Variants in FYN observed in about 807,000 individuals in gnomAD.
FYN encodes the protein tyrosine-protein kinase Fyn.
A neutral mutation model predicts 70.2 loss-of-function variants in FYN; 10 were observed. That is an observed-to-expected ratio of 0.14 (90% confidence interval 0.09 to 0.24). FYN has a LOEUF of 0.24. FYN is among the 10% of genes least tolerant of loss of function. FYN has a pLI of 1.00. For synonymous variants in FYN, 236 were observed against 248.6 expected (o/e 0.95, Z 0.48); for missense variants, 319 against 673.1 (o/e 0.47, Z 5.82).
intron 12 of FYN, among the ~76,000 whole-genome samples, chr6:111,690,360 A>C (rs554936345): frequency 9.1e-4 from 138 of 152,120 alleles, no homozygotes; most frequent in Non-Finnish European, 1.7e-3. Flanking sequence ...GGGCACCCCG[A>C]CTCATCTTTC....
intron 6 of FYN, among the ~76,000 whole-genome samples, chr6:111,707,265 CAGA>C (rs569192279): frequency 1.6e-3 from 237 of 152,344 alleles, no homozygotes; most frequent in Middle Eastern, 3.4e-3. Flanking sequence ...CCTCATGGGT[CAGA>C]AGAAGGGAGA....
At position 111,720,081 on chromosome 6, in the gene FYN, G is replaced by C; in HGVS notation, c.-11-19C>G. 1 of 1,564,562 alleles carries C rather than the reference G, an allele frequency of 6.4e-7. No individual in the cohort carries two copies. Among genetic ancestry groups the C allele is most frequent in the Non-Finnish European group, 8.7e-7 (1 of 1,150,998 alleles). On this transcript the variant is annotated intron_variant, in intron 3 of 13. Coordinates refer to ENST00000354650, the MANE Select transcript of FYN (RefSeq NM_002037.5). ...TAAATTCCTGCCAAAGACAAAAAAG[G>C]GGGCACGTAAGCTGGGATGCTCCCT... is the stretch of plus-strand genomic sequence containing the variant.
At chr6:111,697,383 GCTAATTTAGATTATTTT>G (rs1445771257) in intron 9 of FYN, among the ~76,000 whole-genome samples, 2 of 152,084 alleles carry the variant, frequency 1.3e-5, no homozygotes, top group East Asian at 3.8e-4. Flanking sequence ...GAAGAAATCT[GCTAATTTAGATTATTTT>G]CTATTTGAAA....
At chr6:111,671,559 A>G (rs1798270241) in intron 13 of FYN, among the ~76,000 whole-genome samples, 1 of 152,226 alleles carries the variant, frequency 6.6e-6, no homozygotes. Flanking sequence ...AATTACTTCA[A>G]AATATACTCT....
At chr6:111,765,859 G>T (rs1012279937) in intron 3 of FYN, among the ~76,000 whole-genome samples, 3 of 152,044 alleles carry the variant, frequency 2.0e-5, no homozygotes, top group Non-Finnish European at 4.4e-5. Flanking sequence ...GTTAGAAAAT[G>T]AGTGTTCAAA....
At chr6:111,688,598 G>A (rs932759343) in intron 12 of FYN, among the ~76,000 whole-genome samples, 2 of 152,222 alleles carry the variant, frequency 1.3e-5, no homozygotes, top group African/African-American at 4.8e-5. Flanking sequence ...CAGATACTCG[G>A]GAGAACTGCT....
intron 2 of FYN, among the ~76,000 whole-genome samples, chr6:111,792,601 A>T (rs1771662398): frequency 6.6e-6 from 1 of 152,250 alleles, no homozygotes; most frequent in South Asian, 2.1e-4. Context: ...ATACATCTTG[A>T]TATGTTAAAC....
intron 1 of FYN, among the ~76,000 whole-genome samples, chr6:111,852,180 T>G (rs1306595537): frequency 6.6e-6 from 1 of 152,208 alleles, no homozygotes; most frequent in Non-Finnish European, 1.5e-5. Context: ...ATAATCCAAA[T>G]GTATTCAGAT....
chr6:111,698,514 T>C (rs1161621815), intron 9 of FYN, among the ~76,000 whole-genome samples: 2 of 152,194 alleles, frequency 1.3e-5, no homozygotes, highest in African/African-American at 4.8e-5. Context: ...GATATTGTTT[T>C]TAATGAGTTC....
intron 3 of FYN, among the ~76,000 whole-genome samples, chr6:111,737,754 A>G (rs752491670): frequency 1.3e-4 from 20 of 152,108 alleles, no homozygotes; most frequent in Non-Finnish European, 2.8e-4. Flanking sequence ...CAAAGTCCCA[A>G]CCCTCTAATC....
chr6:111,756,370 A>C (rs1802734838), intron 3 of FYN, among the ~76,000 whole-genome samples: 1 of 152,014 alleles, frequency 6.6e-6, no homozygotes. Flanking sequence ...AAAAAAATCC[A>C]AAAACCAATA....
chr6:111,764,306 G>A (rs1298661551), intron 3 of FYN, among the ~76,000 whole-genome samples: 1 of 150,996 alleles, frequency 6.6e-6, no homozygotes, highest in Non-Finnish European at 1.5e-5. Flanking sequence ...CTCTGAGGAA[G>A]TAATAAGAAG....
intron 12 of FYN, among the ~76,000 whole-genome samples, chr6:111,686,319 G>A (rs1255949423): frequency 1.3e-5 from 2 of 152,106 alleles, no homozygotes. Context: ...TACCAAACTC[G>A]GATCCGGGAA....
chr6:111,669,333 G>A lies in FYN; in HGVS notation c.1405+5166C>T, dbSNP rs182465449. On this transcript the variant is annotated intron_variant, in intron 13 of 13. Transcript: ENST00000354650. ...GCCTGTAATCCCAGCTTCTTGGGAGGCTGAGGCAGGAGAATCGCTTGAACC... is the reference window on the plus strand; with the variant it reads ...GCCTGTAATCCCAGCTTCTTGGGAGACTGAGGCAGGAGAATCGCTTGAACC... 7.1e-3 allele frequency among the ~76,000 whole-genome samples: 1,070 copies of A among 151,262 alleles called. 9 individuals are homozygous for A. Among genetic ancestry groups the A allele is most frequent in the African/African-American group, 0.024 (991 of 41,016 alleles).
intron 2 of FYN, among the ~76,000 whole-genome samples, chr6:111,809,517 C>A (rs113158324): frequency 6.6e-6 from 1 of 152,212 alleles, no homozygotes; most frequent in East Asian, 1.9e-4. Flanking sequence ...GGTTATTTCA[C>A]AAACACATGG....
chr6:111,720,412 C>G (rs1471739247), intron 3 of FYN, among the ~76,000 whole-genome samples: 2 of 152,058 alleles, frequency 1.3e-5, no homozygotes, highest in Non-Finnish European at 2.9e-5. Context: ...CTTTAGCCAT[C>G]TAAAAAAAAT....
chr6:111,765,260 A>G (rs1339728644), intron 3 of FYN, among the ~76,000 whole-genome samples: 1 of 152,018 alleles, frequency 6.6e-6, no homozygotes, highest in African/African-American at 2.4e-5. Context: ...CTAACCCCCA[A>G]TGTAACTGTA....
intron 3 of FYN, among the ~76,000 whole-genome samples, chr6:111,742,190 C>T (rs1481861175): frequency 6.6e-6 from 1 of 152,106 alleles, no homozygotes; most frequent in Non-Finnish European, 1.5e-5. Flanking sequence ...AAAATCTAAC[C>T]TCAGAGAGGT....
At chr6:111,666,304 C>T (rs1291389190) in intron 13 of FYN, among the ~76,000 whole-genome samples, 1 of 152,152 alleles carries the variant, frequency 6.6e-6, no homozygotes, top group Non-Finnish European at 1.5e-5. Context: ...TCCTGGCTGG[C>T]CAGTGGTGTC....
Sources: allele counts gnomAD v4.1 joint callset (sites outside exome capture counted in the v4.1 genomes callset), GRCh38; gene constraint gnomAD v4.1.1; transcripts MANE v1.5; gene names NCBI Gene and HGNC (gene_info 2026-07-23, HGNC 2026-07-21).